HP: variants seen among roughly 807,000 people sequenced by gnomAD.
The protein encoded by HP is haptoglobin alpha(1S)-beta.
In HP, 9 loss-of-function variants were observed where a neutral mutation model predicts 23.2. That is an observed-to-expected ratio of 0.39 (90% CI 0.23 to 0.68). The LOEUF is 0.68. HP is among the 30% of genes least tolerant of loss of function. The pLI is 0.47. For synonymous variants in HP, 155 were observed against 183.3 expected (o/e 0.85, Z 1.25); for missense variants, 433 against 483.6 (o/e 0.90, Z 0.98).
Position 72,057,595 on chromosome 16 carries a change from G to A in HP, c.265+129G>A, listed in dbSNP as rs1157378350. The A allele has an allele frequency of 1.0e-5, 6 of 571,458 alleles. 1 individual carries two copies. In the Admixed American group the frequency reaches 1.1e-4, roughly 11 times the overall value. 35.4% of individuals were successfully genotyped at this position (571,458 alleles called of 1,614,324 possible). ...CCAGGAGGAGGGATGTGGGAGAACC[G>A]CAGCTGGCCAGGGAGAGACTTAAGC... On this transcript the variant is annotated intron_variant, in intron 4 of 6. Transcript: ENST00000355906.
chr16:72,059,168 A>G lies in HP; in HGVS notation c.422A>G (p.Lys141Arg). Residue 141 changes from lysine (K) to arginine (R), a missense_variant, in exon 6 of 7, where the codon AAA (lysine) becomes AGA (arginine). By Grantham distance (26) the Lys-to-Arg change is conservative. Coordinates refer to ENST00000355906, the MANE Select transcript of HP (RefSeq NM_005143.5). Reference sequence around the variant, plus strand: ...TGGATAAATAAGGCTGTTGGAGATAAACTTCCTGAATGTGAAGCAGGTGGG... The same window carrying G: ...TGGATAAATAAGGCTGTTGGAGATAGACTTCCTGAATGTGAAGCAGGTGGG... The part of the protein sequence containing the change: ...KQWINKAVGD[K>R]LPECEAVCGK... 6.4e-7 allele frequency: 1 copy of G among 1,565,314 alleles called. No homozygotes were observed. Among genetic ancestry groups the G allele is most frequent in the Non-Finnish European group, 8.7e-7 (1 of 1,148,988 alleles).
In HP at chr16:72,057,445, A is replaced by G. The variant is rs1412204897; in HGVS notation, c.244A>G (p.Lys82Glu). Residue 82 changes from lysine (K) to glutamate (E), a missense_variant, in exon 4 of 7, where the codon AAA (lysine) becomes GAA (glutamate). Physicochemically the swap from Lys to Glu is moderately conservative, Grantham distance 56 (BLOSUM62 1). Transcript: ENST00000355906. ...GTGGATAAATAAGGCTGTTGGAGAT[A>G]AACTTCCTGAATGTGAAGCAGGTGG... ...KQWINKAVGD[K>E]LPECEADDGC... 4 of 1,146,698 alleles carry G rather than the reference A, an allele frequency of 3.5e-6. No homozygotes were observed. The highest frequency in any genetic ancestry group is 3.7e-6 in the Non-Finnish European group (3 of 801,474). 71.0% of individuals were successfully genotyped at this position (1,146,698 alleles called of 1,614,324 possible). A position where few individuals can be genotyped will look rare whatever the true frequency, so the allele number is the denominator to read the frequency against.
intron 6 of HP, chr16:72,059,880 C>A (rs1439558940): frequency 9.9e-7 from 1 of 1,014,722 alleles, no homozygotes; most frequent in Non-Finnish European, 1.4e-6. Flanking sequence ...GTATTTCCCA[C>A]TTCCTTTGTT....
In HP at chr16:72,060,982, A is replaced by C; in HGVS notation, c.*92A>C. 6.9e-7 allele frequency: 1 copy of C among 1,458,748 alleles called. No individual in the cohort carries two copies. Among genetic ancestry groups the C allele is most frequent in the Non-Finnish European group, 9.2e-7 (1 of 1,089,586 alleles). 90.4% of individuals were successfully genotyped at this position (1,458,748 alleles called of 1,614,324 possible). On this transcript the variant is annotated 3_prime_UTR_variant, in exon 7 of 7. Transcript: ENST00000355906. ...GGAGTGGACAGGAGTGGATGCGATA[A>C]GATGTGGTTTGAAGCTGATGGGTGC... is the stretch of plus-strand genomic sequence containing the variant.
At position 72,060,316 on chromosome 16, in the gene HP, A is replaced by G; in HGVS notation, c.647A>G (p.Asp216Gly). ...CATTCAGAAAATGCAACAGCGAAAG[A>G]CATTGCCCCTACTTTAACACTCTAT... ...LNHSENATAKDIAPTLTLYVG... is the reference protein window; with the variant it reads ...LNHSENATAKGIAPTLTLYVG... The change falls in exon 7 of 7, where the codon GAC becomes GGC. Residue 216 changes from aspartate to glycine, a missense_variant. Transcript: ENST00000355906. The G allele has an allele frequency of 6.2e-7, 1 of 1,614,152 alleles. No homozygotes were observed. Among genetic ancestry groups the G allele is most frequent in the Non-Finnish European group, 8.5e-7 (1 of 1,180,024 alleles).
intron 2 of HP, 76 bp downstream of exon 2, chr16:72,056,319 A>T (rs1282331603): frequency 6.4e-7 from 1 of 1,569,608 alleles, no homozygotes; most frequent in Non-Finnish European, 8.8e-7. Context: ...AGAACACCCA[A>T]TTCCCCCTTC....
At position 72,054,658 on chromosome 16, in the gene HP, G is replaced by T; in HGVS notation, c.5+1G>T. 1 of 1,612,098 alleles carries T rather than the reference G, an allele frequency of 6.2e-7. No individual in the cohort carries two copies. Among genetic ancestry groups the T allele is most frequent in the Non-Finnish European group, 8.5e-7 (1 of 1,178,962 alleles). On this transcript the variant is annotated splice_donor_variant, in intron 1 of 6. Coordinates refer to ENST00000355906, the MANE Select transcript of HP (RefSeq NM_005143.5). LOFTEE classifies it high-confidence loss of function. ...CAGAGGCAAGACCAACCAAGATGAG[G>T]TGGGTCCACAGCTTTCCCTCCTGCC...
chr16:72,058,724 A>C, intron 5 of HP: 1 of 326,614 alleles, frequency 3.1e-6, no homozygotes, highest in East Asian at 5.1e-5. Flanking sequence ...TTATTTGCTC[A>C]CTTAGTCCTC....
chr16:72,060,283 TC>T lies in HP; in HGVS notation c.616del (p.Leu206Ter), dbSNP rs747389370. ...QWLLTTAKNL[F>X]LNHSENATAK... The stretch of plus-strand genomic sequence containing the variant: ...CTGCTGACCACGGCTAAAAATCTCT[TC>T]CTGAACCATTCAGAAAATGCAACAG... On this transcript the variant is annotated frameshift_variant, in exon 7 of 7. Coordinates refer to ENST00000355906, the MANE Select transcript of HP (RefSeq NM_005143.5). LOFTEE classifies it low-confidence loss of function (END_TRUNC). 1.9e-6 allele frequency: 3 copies of T among 1,613,998 alleles called. No individual in the cohort carries two copies. The African/African-American group carries it at 4.0e-5, about 22-fold the overall frequency.
intron 2 of HP, 88 bp downstream of exon 2, chr16:72,056,331 T>C: frequency 1.3e-6 from 2 of 1,563,382 alleles, no homozygotes; most frequent in African/African-American, 1.3e-5. Context: ...TCCCCCTTCT[T>C]ATCTCGACCT....
chr16:72,057,253 A>T (rs651709), intron 3 of HP, 139 bp from the exon 4 acceptor site: 1 of 1,030,586 alleles, frequency 9.7e-7, no homozygotes, highest in Non-Finnish European at 1.5e-6. Flanking sequence ...CCTCCTTCTC[A>T]TATTCTCTCT....
intron 5 of HP, 101 bp from the exon 6 acceptor site, chr16:72,059,013 T>C: frequency 8.0e-7 from 1 of 1,248,660 alleles, no homozygotes; most frequent in Non-Finnish European, 1.1e-6. Flanking sequence ...TTTTGTCCCC[T>C]TTTCCTCTTC....
rs1220083888 is a variant in HP, at chr16:72,056,107, G to A, written c.6-54G>A. 5 of 1,563,420 alleles carry A rather than the reference G, an allele frequency of 3.2e-6. No homozygotes were observed. In the African/African-American group the frequency reaches 4.1e-5, roughly 13 times the overall value. ...TGCATGTGTGTGTGGATGCATGCAT[G>A]TGCTGTGAAGCAGGGAGACTAGCTT... On this transcript the variant is annotated intron_variant, in intron 1 of 6. Transcript: ENST00000355906.
At position 72,056,262 on chromosome 16, in the gene HP, A is replaced by G. The variant is rs200356143; in HGVS notation, c.88+19A>G. On this transcript the variant is annotated intron_variant, in intron 2 of 6. Coordinates refer to ENST00000355906, the MANE Select transcript of HP (RefSeq NM_005143.5). Reference sequence around the variant, plus strand: ...ATCGCAGGTCAGTCTTTGGTTGGGTAGGAGTGTGCATCCCACTCTGACCCT... The same window carrying G: ...ATCGCAGGTCAGTCTTTGGTTGGGTGGGAGTGTGCATCCCACTCTGACCCT... 10 of 1,608,514 alleles carry G rather than the reference A, an allele frequency of 6.2e-6. No individual in the cohort carries two copies. The Admixed American group carries it at 1.7e-4, about 27-fold the overall frequency.
chr16:72,055,821 C>T, intron 1 of HP: 3 of 369,826 alleles, frequency 8.1e-6, no homozygotes, highest in Non-Finnish European at 1.1e-5. Flanking sequence ...GTATTATTGC[C>T]AATGTACTTT....
rs1267420438 is a variant in HP, at chr16:72,056,569, A to C, written c.128A>C (p.Tyr43Ser). 1.4e-6 allele frequency: 2 copies of C among 1,463,878 alleles called. No individual in the cohort carries two copies. The highest frequency in any genetic ancestry group is 2.1e-5 in the Admixed American group (1 of 48,558). 90.7% of individuals were successfully genotyped at this position (1,463,878 alleles called of 1,614,324 possible). Reference protein sequence around the residue: ...CPKPPEIAHGYVEHSVRYQCK... With the variant: ...CPKPPEIAHGSVEHSVRYQCK... Reference sequence around the variant, plus strand: ...AAGCCCCCCGAGATTGCACATGGCTATGTGGAGCACTCGGTTCGCTACCAG... The same window carrying C: ...AAGCCCCCCGAGATTGCACATGGCTCTGTGGAGCACTCGGTTCGCTACCAG... The change falls in exon 3 of 7, where the codon TAT (tyrosine) becomes TCT (serine). Residue 43 changes from tyrosine (Y) to serine (S), a missense_variant. Physicochemically the swap from Tyr to Ser is moderately radical, Grantham distance 144. Coordinates refer to ENST00000355906, the MANE Select transcript of HP (RefSeq NM_005143.5).
In HP at chr16:72,057,234, C is replaced by T. The variant is rs1254530905; in HGVS notation, c.191-158C>T. On this transcript the variant is annotated intron_variant, in intron 3 of 6. Transcript: ENST00000355906. ...GGCACTTGGCTTCCAGCACAGCACT[C>T]TTTCCCTTCCTCCTTCTCATATTCT... 3 of 941,034 alleles carry T rather than the reference C, an allele frequency of 3.2e-6. No homozygotes were observed. In the African/African-American group the frequency reaches 5.0e-5, roughly 16 times the overall value. 58.3% of individuals were successfully genotyped at this position (941,034 alleles called of 1,614,324 possible).
chr16:72,060,453 G>A lies in HP; in HGVS notation c.784G>A (p.Val262Met). The change falls in exon 7 of 7, where the codon GTG (valine) becomes ATG (methionine). Residue 262 changes from valine to methionine, a missense_variant. By Grantham distance (21) the Val-to-Met change is conservative. Transcript: ENST00000355906. ...LKQKVSVNER[V>M]MPICLPSKDY... is the part of the protein sequence containing the mutation. Reference sequence around the variant, plus strand: ...ACAGAAGGTGTCTGTTAATGAGAGAGTGATGCCCATCTGCCTACCTTCAAA... The same window carrying A: ...ACAGAAGGTGTCTGTTAATGAGAGAATGATGCCCATCTGCCTACCTTCAAA... The A allele has an allele frequency of 1.2e-6, 2 of 1,614,216 alleles. No individual in the cohort carries two copies. Among genetic ancestry groups the A allele is most frequent in the East Asian group, 2.2e-5 (1 of 44,850 alleles).
chr16:72,055,471 G>A (rs1311061618), intron 1 of HP: 5 of 159,624 alleles, frequency 3.1e-5, no homozygotes, highest in East Asian at 1.8e-4. Flanking sequence ...AGTAGTGCCC[G>A]AATGGTTGGC....
Sources: gnomAD v4.1 joint callset for allele counts on GRCh38, gnomAD v4.1.1 for gene constraint, MANE v1.5 for transcripts, NCBI Gene and HGNC (gene_info 2026-07-23, HGNC 2026-07-21) for gene names.